Variants in CNTN3 observed in about 807,000 individuals in gnomAD.
CNTN3 encodes the protein contactin-3.
Under a neutral mutation model 119.1 loss-of-function variants are expected in CNTN3, and 60 were observed. The observed-to-expected ratio is 0.50, with a 90% CI of 0.41 to 0.62. CNTN3 has a LOEUF of 0.62. CNTN3 is among the 20% of genes least tolerant of loss of function. The pLI, the probability that CNTN3 is intolerant of heterozygous loss-of-function variation, is 0.00. For synonymous variants in CNTN3, 450 were observed against 438.7 expected, an observed-to-expected ratio of 1.03 and a Z score of -0.32; for missense variants, 1,101 against 1,242.4, an observed-to-expected ratio of 0.89 and a Z score of 1.71.
At chr3:74,597,088 G>T (rs547479938) in intron 1 of CNTN3, among the ~76,000 whole-genome samples, 2 of 152,106 alleles carry the variant, frequency 1.3e-5, no homozygotes, top group South Asian at 2.1e-4. Context: ...CTTAATGAGA[G>T]GGGGGAAGGA....
chr3:74,508,264 T>C (rs769439926), intron 2 of CNTN3, among the ~76,000 whole-genome samples: 1 of 152,162 alleles, frequency 6.6e-6, no homozygotes, highest in South Asian at 2.1e-4. Flanking sequence ...AAGAAATGCC[T>C]TGCTGCTTCT....
intron 17 of CNTN3, 70 bp downstream of exon 17, chr3:74,299,798 C>T: frequency 7.8e-7 from 1 of 1,287,222 alleles, no homozygotes; most frequent in Non-Finnish European, 1.1e-6. Flanking sequence ...TTGGCACCAC[C>T]ACCTGGGAAG....
At chr3:74,524,446 C>A (rs9857227) in intron 1 of CNTN3, among the ~76,000 whole-genome samples, 1 of 151,726 alleles carries the variant, frequency 6.6e-6, no homozygotes, top group African/African-American at 2.4e-5. Flanking sequence ...GTAGACGTTT[C>A]TATGAAAGCC....
In CNTN3 at chr3:74,506,750, A is replaced by AC. The variant is rs113577573; in HGVS notation, c.56-6966_56-6965insG. Among the ~76,000 whole-genome samples the AC allele has an allele frequency of 8.6e-3, 1,266 of 147,180 alleles. 15 individuals are homozygous for AC. Among genetic ancestry groups the AC allele is most frequent in the African/African-American group, 0.024 (965 of 40,306 alleles). ...GTCCATTTATCTGAAAAAAAAAAAAAAACAACACTTACATTCCCTCTTTCT... is the reference window on the plus strand; with the variant it reads ...GTCCATTTATCTGAAAAAAAAAAAAACAACAACACTTACATTCCCTCTTTCT... On this transcript the variant is annotated intron_variant, in intron 2 of 22. Coordinates refer to ENST00000263665, the MANE Select transcript of CNTN3 (RefSeq NM_020872.3).
chr3:74,344,396 GGTT>G (rs1703629047), intron 11 of CNTN3, among the ~76,000 whole-genome samples: 1 of 87,812 alleles, frequency 1.1e-5, no homozygotes, highest in Admixed American at 1.2e-4. Flanking sequence ...CTTACACAGT[GGTT>G]TTTTTTTTTT....
At chr3:74,351,868 T>C (rs530513417) in intron 11 of CNTN3, among the ~76,000 whole-genome samples, 3 of 152,176 alleles carry the variant, frequency 2.0e-5, no homozygotes, top group Non-Finnish European at 4.4e-5. Flanking sequence ...AATCTTCTCA[T>C]AGAGTATGGG....
rs192621382 is a variant in CNTN3, at chr3:74,484,134, G to A, written c.358+2322C>T. On this transcript the variant is annotated intron_variant, in intron 4 of 22. Transcript: ENST00000263665. ...TCCTAGAAACAAGGAATTAGGCTGC[G>A]AATTGCTCATCTGCCACTCTTCACA... Among the ~76,000 whole-genome samples the A allele has an allele frequency of 1.2e-3, 178 of 152,200 alleles. 1 individual carries two copies. The highest frequency in any genetic ancestry group is 3.9e-3 in the African/African-American group (163 of 41,520).
intron 1 of CNTN3, among the ~76,000 whole-genome samples, chr3:74,592,214 T>A (rs1704715149): frequency 6.6e-6 from 1 of 151,792 alleles, no homozygotes; most frequent in Non-Finnish European, 1.5e-5. Flanking sequence ...GGATTGCCAC[T>A]TCTGTGGTGG....
At chr3:74,605,222 T>C (rs1422026105) in intron 1 of CNTN3, among the ~76,000 whole-genome samples, 1 of 152,044 alleles carries the variant, frequency 6.6e-6, no homozygotes, top group Non-Finnish European at 1.5e-5. Flanking sequence ...AGATCTATTA[T>C]ACAACATGGT....
In CNTN3 at chr3:74,369,290, A is replaced by C; in HGVS notation, c.845T>G (p.Leu282Arg). The change falls in exon 8 of 23, where the codon CTT becomes CGT. Residue 282 changes from leucine (L) to arginine (R), a missense_variant. Leu to Arg is a moderately radical substitution (Grantham distance 102, BLOSUM62 -2). Transcript: ENST00000263665. ...TTCCTGTTGGAAGTTGGGGATTTCAAGCACACCACTGAACTTCCTTAATTT... is the reference window on the plus strand; with the variant it reads ...TTCCTGTTGGAAGTTGGGGATTTCACGCACACCACTGAACTTCCTTAATTT... ...KIKLRKFSGV[L>R]EIPNFQQEDA... is the part of the protein sequence containing the mutation. 6.2e-7 allele frequency: 1 copy of C among 1,611,578 alleles called. No individual in the cohort carries two copies. Among genetic ancestry groups the C allele is most frequent in the Non-Finnish European group, 8.5e-7 (1 of 1,178,798 alleles).
At chr3:74,462,819 G>A (rs985424324) in intron 4 of CNTN3, among the ~76,000 whole-genome samples, 6 of 151,994 alleles carry the variant, frequency 3.9e-5, no homozygotes, top group Non-Finnish European at 7.4e-5. Context: ...TTCTCCTTAG[G>A]ATAAAGCCTG....
chr3:74,563,684 T>C (rs1007419525), intron 1 of CNTN3, among the ~76,000 whole-genome samples: 6 of 152,102 alleles, frequency 3.9e-5, no homozygotes, highest in Admixed American at 6.6e-5. Context: ...AGATTTTGAA[T>C]GGGAAGCTTA....
chr3:74,471,393 A>G (rs1043809832), intron 4 of CNTN3, among the ~76,000 whole-genome samples: 9 of 152,208 alleles, frequency 5.9e-5, no homozygotes, highest in Non-Finnish European at 1.2e-4. Flanking sequence ...CCATTACTGC[A>G]TTTTATCATT....
At chr3:74,297,909 A>G in intron 18 of CNTN3, 48 bp downstream of exon 18, 1 of 1,441,596 alleles carries the variant, frequency 6.9e-7, no homozygotes, top group Non-Finnish European at 9.6e-7. Context: ...TTTGGAGCAC[A>G]AATAATTATT....
intron 20 of CNTN3, among the ~76,000 whole-genome samples, chr3:74,268,716 G>A (rs1375643124): frequency 1.3e-5 from 2 of 152,082 alleles, no homozygotes; most frequent in African/African-American, 4.8e-5. Context: ...AAATACTAAT[G>A]ACCATGTTCT....
chr3:74,532,038 G>A (rs529907248), intron 1 of CNTN3, among the ~76,000 whole-genome samples: 20 of 152,012 alleles, frequency 1.3e-4, no homozygotes, highest in African/African-American at 4.8e-4. Flanking sequence ...GGGATAAAGA[G>A]AGGGAGAGAG....
At chr3:74,525,474 T>C (rs1168853975) in intron 1 of CNTN3, among the ~76,000 whole-genome samples, 1 of 151,802 alleles carries the variant, frequency 6.6e-6, no homozygotes, top group South Asian at 2.1e-4. Context: ...AGGTGACATA[T>C]TAAAGCTCTC....
intron 2 of CNTN3, among the ~76,000 whole-genome samples, chr3:74,510,427 G>C (rs1195478993): frequency 6.6e-6 from 1 of 152,028 alleles, no homozygotes; most frequent in African/African-American, 2.4e-5. Context: ...CATCAGTACA[G>C]GTACAAGACA....
intron 1 of CNTN3, among the ~76,000 whole-genome samples, chr3:74,578,887 C>T (rs112855348): frequency 1.3e-5 from 2 of 151,834 alleles, no homozygotes; most frequent in African/African-American, 4.8e-5. Context: ...TGTATAAATA[C>T]CAATACATGA....
Sources: gnomAD v4.1 joint callset for allele counts (sites outside exome capture counted in the v4.1 genomes callset) on GRCh38, gnomAD v4.1.1 for gene constraint, MANE v1.5 for transcripts, NCBI Gene and HGNC (gene_info 2026-07-23, HGNC 2026-07-21) for gene names.